Variants in PTPRE observed in about 807,000 individuals in gnomAD.
PTPRE encodes protein tyrosine phosphatase receptor type E, also known as receptor-type tyrosine-protein phosphatase epsilon.
In PTPRE, 51 loss-of-function variants were observed where a neutral mutation model predicts 102.0. That is an observed-to-expected ratio of 0.50 (90% confidence interval 0.40 to 0.63). The LOEUF (loss-of-function observed/expected upper bound fraction) is 0.63. Ranked by LOEUF, PTPRE falls within the 30% of genes least tolerant of loss-of-function variation. The pLI, the probability that PTPRE is intolerant of heterozygous loss-of-function variation, is 0.00. For missense variants in PTPRE, 752 were observed against 915.1 expected (o/e 0.82, Z 2.30); for synonymous variants, 345 against 348.2 (o/e 0.99, Z 0.10).
At chr10:127,994,329 T>C (rs1041984279) in intron 2 of PTPRE, among the ~76,000 whole-genome samples, 1 of 152,200 alleles carries the variant, frequency 6.6e-6, no homozygotes, top group Non-Finnish European at 1.5e-5. Context: ...GCCCACTCTA[T>C]CTGATGTTAC....
At chr10:128,062,889 T>C in intron 9 of PTPRE, 194 bp from the exon 10 acceptor site, 1 of 915,860 alleles carries the variant, frequency 1.1e-6, no homozygotes, top group Non-Finnish European at 1.6e-6. Flanking sequence ...AGTTCCTAGC[T>C]GGAGTGGGTG....
rs77783404 is a variant in PTPRE at position 128,061,856 on chromosome 10, T to C, written c.625+141T>C. ...ACCTAACAGACACGTTAGATATCCA[T>C]TCACACAACGGATATGTGTAGTCAG... On this transcript the variant is annotated intron_variant, in intron 9 of 20. Coordinates refer to ENST00000254667, the MANE Select transcript of PTPRE (RefSeq NM_006504.6). The C allele has an allele frequency of 2.9e-3, 3,041 of 1,066,210 alleles. 25 individuals are homozygous for C. Among genetic ancestry groups the C allele is most frequent in the Middle Eastern group, 6.8e-3 (31 of 4,582 alleles). 66.0% of individuals were successfully genotyped at this position (1,066,210 alleles called of 1,614,324 possible).
chr10:127,922,700 C>T (rs1260800979), intron 1 of PTPRE, among the ~76,000 whole-genome samples: 1 of 152,232 alleles, frequency 6.6e-6, no homozygotes, highest in African/African-American at 2.4e-5. Context: ...TGTGTTCCTG[C>T]CACTCTGTTC....
At chr10:127,923,427 G>A (rs989500665) in intron 1 of PTPRE, among the ~76,000 whole-genome samples, 11 of 126,686 alleles carry the variant, frequency 8.7e-5, no homozygotes, top group Non-Finnish European at 1.4e-4. Flanking sequence ...TTTTTGAGAC[G>A]GAATTTTGCT....
chr10:127,933,898 A>G (rs1409875100), intron 1 of PTPRE, among the ~76,000 whole-genome samples: 3 of 152,168 alleles, frequency 2.0e-5, no homozygotes, highest in Admixed American at 6.5e-5. Context: ...CCTAATGGGC[A>G]TGATAATCCT....
chr10:127,968,932 T>A (rs747363347), intron 1 of PTPRE, among the ~76,000 whole-genome samples: 1 of 152,240 alleles, frequency 6.6e-6, no homozygotes, highest in African/African-American at 2.4e-5. Context: ...TGTTCTAGTC[T>A]GATTCAAAGA....
At chr10:128,048,961 T>A (rs1848326558) in intron 5 of PTPRE, among the ~76,000 whole-genome samples, 2 of 152,220 alleles carry the variant, frequency 1.3e-5, no homozygotes, top group Non-Finnish European at 2.9e-5. Context: ...GGAAGGAATG[T>A]GTCCAAGAAC....
chr10:127,952,205 C>T (rs1849078959), intron 1 of PTPRE, among the ~76,000 whole-genome samples: 1 of 152,164 alleles, frequency 6.6e-6, no homozygotes, highest in Admixed American at 6.5e-5. Context: ...ACTGAAGGAA[C>T]TTATGTATAC....
rs182171568 is a variant in PTPRE, at chr10:127,937,585, G to A, written c.-31+30276G>A. Among the ~76,000 whole-genome samples, 1,059 of 152,270 alleles carry A rather than the reference G, an allele frequency of 7.0e-3. 7 individuals are homozygous for A. Among genetic ancestry groups the A allele is most frequent in the Non-Finnish European group, 8.5e-3 (578 of 68,014 alleles). Reference sequence around the variant, plus strand: ...TAAAATAAGCTACTTGTGGCTGGGCGTGGTGGCTCATGCCTGTAATCCCAG... The same window carrying A: ...TAAAATAAGCTACTTGTGGCTGGGCATGGTGGCTCATGCCTGTAATCCCAG... On this transcript the variant is annotated intron_variant, in intron 1 of 20. Coordinates refer to ENST00000254667, the MANE Select transcript of PTPRE (RefSeq NM_006504.6).
rs140843679 is a variant in PTPRE, at chr10:128,070,366, C to T, written c.1209C>T (p.Asp403=). 20 of 1,614,068 alleles carry T rather than the reference C, an allele frequency of 1.2e-5. No individual in the cohort carries two copies. Among genetic ancestry groups the T allele is most frequent in the African/African-American group, 8.0e-5 (6 of 74,944 alleles). The change falls in exon 14 of 21, where the codon GAC becomes GAT. Residue 403 remains aspartate (D), a synonymous_variant. Coordinates refer to ENST00000254667, the MANE Select transcript of PTPRE (RefSeq NM_006504.6). This position sits in a 1 kb window ranked among gnomAD's most constrained non-coding sequence, Gnocchi z 4.8. ...EYYLYGDTEL[D]VSSLEKHLQT... ...ACCTCTACGGGGACACAGAGCTGGA[C>T]GTGTCCTCCCTGGAGAAGCACCTGC...
At chr10:128,076,874 T>C (rs1312104387) in intron 18 of PTPRE, 146 bp downstream of exon 18, 23 of 1,148,620 alleles carry the variant, frequency 2.0e-5, no homozygotes, top group Non-Finnish European at 2.5e-6. Flanking sequence ...GGCCAATGGG[T>C]TTCAGAGACA....
chr10:127,978,318 C>T (rs1002189978), intron 1 of PTPRE, among the ~76,000 whole-genome samples: 3 of 151,852 alleles, frequency 2.0e-5, no homozygotes, highest in Non-Finnish European at 2.9e-5. Flanking sequence ...GTGGCTGGGT[C>T]GCTTGACCCC....
At chr10:127,995,845 ACACACACACACGCACG>A (rs1466832109) in intron 2 of PTPRE, among the ~76,000 whole-genome samples, 1 of 149,126 alleles carries the variant, frequency 6.7e-6, no homozygotes, top group African/African-American at 2.6e-5. Flanking sequence ...ACACACACAC[ACACACACACACGCACG>A]CAAAGTATTG....
chr10:127,943,468 C>T (rs1035863687), intron 1 of PTPRE, among the ~76,000 whole-genome samples: 1 of 152,130 alleles, frequency 6.6e-6, no homozygotes, highest in Admixed American at 6.5e-5. Flanking sequence ...ACTTTCCCGT[C>T]GTCTTCTCCC....
In PTPRE at chr10:127,907,236, C is replaced by A. The variant is rs1190415206; in HGVS notation, c.-104C>A. 3.0e-6 allele frequency: 3 copies of A among 983,908 alleles called. No individual in the cohort carries two copies. The highest frequency in any genetic ancestry group is 2.3e-4 in the East Asian group (2 of 8,722). 60.9% of individuals were successfully genotyped at this position (983,908 alleles called of 1,614,324 possible). On this transcript the variant is annotated 5_prime_UTR_variant, in exon 1 of 21. Coordinates refer to ENST00000254667, the MANE Select transcript of PTPRE (RefSeq NM_006504.6). This position sits in a 1 kb window ranked among gnomAD's most constrained non-coding sequence, Gnocchi z 4.8. ...GAAGACAGCCGGGCGCCCCGGAGGG[C>A]GGCGGGCAGGCGCCCGGGAGATGCG...
chr10:127,908,473 A>T (rs1845649361), intron 1 of PTPRE, among the ~76,000 whole-genome samples: 2 of 152,130 alleles, frequency 1.3e-5, no homozygotes. Flanking sequence ...TCGTTTCCAA[A>T]ACTGGGATAA....
chr10:127,917,141 G>A (rs949064948), intron 1 of PTPRE, among the ~76,000 whole-genome samples: 2 of 151,622 alleles, frequency 1.3e-5, no homozygotes, highest in South Asian at 2.1e-4. Flanking sequence ...CCAAGGCCCC[G>A]CAGTTTTCGG....
chr10:127,992,609 C>A (rs866089886), intron 2 of PTPRE, among the ~76,000 whole-genome samples: 1 of 152,120 alleles, frequency 6.6e-6, no homozygotes, highest in South Asian at 2.1e-4. Flanking sequence ...AGGAAACACC[C>A]GAGTTACCCT....
intron 16 of PTPRE, 130 bp from the exon 17 acceptor site, chr10:128,073,207 G>T: frequency 3.1e-6 from 4 of 1,303,046 alleles, no homozygotes; most frequent in Non-Finnish European, 4.2e-6. Context: ...GCCAACTGGG[G>T]TCTGGTGCAG....
Sources: allele counts gnomAD v4.1 joint callset (sites outside exome capture counted in the v4.1 genomes callset), GRCh38; gene constraint gnomAD v4.1.1; non-coding constraint Gnocchi (gnomAD v3.1); transcripts MANE v1.5; gene names NCBI Gene and HGNC (gene_info 2026-07-23, HGNC 2026-07-21).